Variants in HAAO observed in about 807,000 individuals in gnomAD.
HAAO encodes the protein 3-hydroxyanthranilate 3,4-dioxygenase, also known as 3-hydroxyanthranilate oxygenase.
Under a neutral mutation model 46.2 loss-of-function variants are expected in HAAO, and 49 were observed. The ratio of observed to expected loss-of-function variants is 1.06; its 90% CI spans 0.84 to 1.34. The LOEUF (loss-of-function observed/expected upper bound fraction) is 1.34, where lower values mean the gene tolerates loss of function less well. HAAO is among the 40% of genes most tolerant of loss of function. HAAO has a pLI of 0.00. For missense variants in HAAO, 408 were observed against 364.5 expected, an observed-to-expected ratio of 1.12 and a Z score of -0.97; for synonymous variants, 157 against 145.2, an observed-to-expected ratio of 1.08 and a Z score of -0.58.
chr2:42,767,678 C>G, downstream of HAAO: 1 of 1,569,606 alleles, frequency 6.4e-7, no homozygotes, highest in South Asian at 1.2e-5. Context: ...AGGAGCCCTC[C>G]TGGAGAAGAG....
At chr2:42,792,396 C>T (rs1001763305) in intron 1 of HAAO, 61 bp downstream of exon 1, 1 of 871,020 alleles carries the variant, frequency 1.1e-6, no homozygotes, top group East Asian at 2.9e-5. Context: ...AAGGTGAGGG[C>T]GCAGATGGAG....
chr2:42,781,642 G>A (rs905132352), intron 4 of HAAO, among the ~76,000 whole-genome samples: 1 of 152,184 alleles, frequency 6.6e-6, no homozygotes, highest in African/African-American at 2.4e-5. Flanking sequence ...GAAGGCCGAG[G>A]CAGATGGGTC....
chr2:42,791,428 T>C (rs986649814), intron 1 of HAAO, among the ~76,000 whole-genome samples: 1 of 152,080 alleles, frequency 6.6e-6, no homozygotes, highest in Non-Finnish European at 1.5e-5. Flanking sequence ...ACATCTTTAA[T>C]TGGGGGTGGG....
chr2:42,783,304 C>T lies in HAAO; in HGVS notation c.350+10G>A, dbSNP rs752454418. On this transcript the variant is annotated intron_variant, in intron 4 of 9. Coordinates refer to ENST00000294973, the MANE Select transcript of HAAO (RefSeq NM_012205.3). ...CCTTTCTCTGCCCCAGCCCTCCAGACAGAATTTACCTGAGCCCATCTAGCT... is the reference window on the plus strand; with the variant it reads ...CCTTTCTCTGCCCCAGCCCTCCAGATAGAATTTACCTGAGCCCATCTAGCT... 28 of 1,560,052 alleles carry T rather than the reference C, an allele frequency of 1.8e-5. No individual in the cohort carries two copies. In the South Asian group the frequency reaches 2.5e-4, roughly 14 times the overall value.
At position 42,767,191 on chromosome 2, in the gene HAAO, C is replaced by A; in HGVS notation, c.*246G>T. Reference sequence around the variant, plus strand: ...GGGCAGGAGCGGGGCCGGGGGTAGACCACCTGGCAAGACTGGCAAGGCAGT... The same window carrying A: ...GGGCAGGAGCGGGGCCGGGGGTAGAACACCTGGCAAGACTGGCAAGGCAGT... On this transcript the variant is annotated 3_prime_UTR_variant, in exon 10 of 10. Transcript: ENST00000294973. The A allele has an allele frequency of 5.0e-6, 3 of 594,712 alleles. No individual in the cohort carries two copies. Among genetic ancestry groups the A allele is most frequent in the Non-Finnish European group, 9.0e-6 (3 of 331,630 alleles). The allele number at this position is 594,712 out of a possible 1,614,324, so 36.8% of individuals were successfully genotyped here.
intron 4 of HAAO, among the ~76,000 whole-genome samples, chr2:42,772,488 A>C (rs1371892635): frequency 6.6e-6 from 1 of 152,064 alleles, no homozygotes; most frequent in Non-Finnish European, 1.5e-5. Flanking sequence ...CTCAAAAAAA[A>C]AAAAAAAGAA....
intron 1 of HAAO, among the ~76,000 whole-genome samples, chr2:42,791,016 C>G (rs1255031296): frequency 6.6e-6 from 1 of 152,156 alleles, no homozygotes; most frequent in Admixed American, 6.5e-5. Flanking sequence ...AGCTTCTCAC[C>G]TTGCTGAATA....
At chr2:42,768,461 T>G (rs1464180198) in intron 7 of HAAO, among the ~76,000 whole-genome samples, 1 of 152,078 alleles carries the variant, frequency 6.6e-6, no homozygotes, top group Non-Finnish European at 1.5e-5. Context: ...ATTGCAGAGG[T>G]GGGGTGCAGG....
At chr2:42,767,974 T>A in intron 7 of HAAO, 46 bp from the exon 8 acceptor site, 1 of 1,548,750 alleles carries the variant, frequency 6.5e-7, no homozygotes, top group Non-Finnish European at 8.9e-7. Flanking sequence ...TTGCCCCACA[T>A]GGGAGATGGT....
At chr2:42,774,355 C>T (rs1023126980) in intron 4 of HAAO, among the ~76,000 whole-genome samples, 2 of 152,194 alleles carry the variant, frequency 1.3e-5, no homozygotes, top group African/African-American at 4.8e-5. Context: ...GTGCTTGGTA[C>T]CCGCGTGAGC....
At position 42,790,241 on chromosome 2, in the gene HAAO, C is replaced by A. The variant is rs182643057; in HGVS notation, c.81-1634G>T. Among the ~76,000 whole-genome samples, 269 of 152,192 alleles carry A rather than the reference C, an allele frequency of 1.8e-3. 3 individuals carry two copies. The highest frequency in any genetic ancestry group is 0.014 in the Admixed American group (212 of 15,292). On this transcript the variant is annotated intron_variant, in intron 1 of 9. Coordinates refer to ENST00000294973, the MANE Select transcript of HAAO (RefSeq NM_012205.3). Reference sequence around the variant, plus strand: ...CTGGGCCCAATAAACCGGAAACACACGTGTGGACCTGATGTTTGGAAAGGT... The same window carrying A: ...CTGGGCCCAATAAACCGGAAACACAAGTGTGGACCTGATGTTTGGAAAGGT...
chr2:42,772,429 C>T (rs1671205378), intron 4 of HAAO, among the ~76,000 whole-genome samples: 2 of 149,826 alleles, frequency 1.3e-5, no homozygotes, highest in Non-Finnish European at 3.0e-5. Flanking sequence ...TGCAGTGAGC[C>T]GAGATTGTAC....
Position 42,786,134 on chromosome 2 carries a change from C to T in HAAO, c.160-2267G>A, listed in dbSNP as rs773295321. Reference sequence around the variant, plus strand: ...AAGGAAAAGTTGGGAGAGGGGAGTCCGGAGTGACCCTCTGGGCCAGATTTA... The same window carrying T: ...AAGGAAAAGTTGGGAGAGGGGAGTCTGGAGTGACCCTCTGGGCCAGATTTA... On this transcript the variant is annotated intron_variant, in intron 2 of 9. Coordinates refer to ENST00000294973, the MANE Select transcript of HAAO (RefSeq NM_012205.3). Among the ~76,000 whole-genome samples the T allele has an allele frequency of 6.6e-5, 10 of 150,476 alleles. 1 individual carries two copies. Among genetic ancestry groups the T allele is most frequent in the South Asian group, 6.3e-4 (3 of 4,766 alleles).
chr2:42,771,916 G>A (rs1454087839), intron 4 of HAAO, among the ~76,000 whole-genome samples: 2 of 152,244 alleles, frequency 1.3e-5, no homozygotes, highest in Non-Finnish European at 2.9e-5. Context: ...TAACTGGATG[G>A]CAGTGCCCTC....
At chr2:42,767,748 G>T (rs1326750800) in intron 8 of HAAO, 71 bp from the exon 9 acceptor site, 3 of 1,539,492 alleles carry the variant, frequency 1.9e-6, no homozygotes, top group Admixed American at 3.4e-5. Flanking sequence ...GTCTGAGTCT[G>T]CCTGGGCCCC....
chr2:42,772,073 T>C (rs1186993540), intron 4 of HAAO, among the ~76,000 whole-genome samples: 1 of 152,220 alleles, frequency 6.6e-6, no homozygotes, highest in South Asian at 2.1e-4. Context: ...TATATTAAAG[T>C]CCCTTGTGAC....
intron 4 of HAAO, among the ~76,000 whole-genome samples, chr2:42,773,357 G>C (rs1181400876): frequency 6.6e-6 from 1 of 152,160 alleles, no homozygotes; most frequent in African/African-American, 2.4e-5. Flanking sequence ...AGCTGGGGTA[G>C]AGAAACAAGC....
At chr2:42,784,009 T>C in intron 2 of HAAO, 142 bp from the exon 3 acceptor site, 1 of 1,448,556 alleles carries the variant, frequency 6.9e-7, no homozygotes, top group African/African-American at 1.4e-5. Context: ...GTCACTTCTG[T>C]CCTGAGGCCT....
chr2:42,770,002 T>G, intron 6 of HAAO, 141 bp downstream of exon 6: 1 of 1,107,850 alleles, frequency 9.0e-7, no homozygotes, highest in Admixed American at 2.1e-5. Context: ...ATGTGGGAGG[T>G]ACCATTGGCT....
Sources: allele counts gnomAD v4.1 joint callset (sites outside exome capture counted in the v4.1 genomes callset), GRCh38; gene constraint gnomAD v4.1.1; transcripts MANE v1.5; gene names NCBI Gene and HGNC (gene_info 2026-07-23, HGNC 2026-07-21).